The following GMPR variants were observed in gnomAD, a reference collection of about 807,000 sequenced individuals.
GMPR encodes guanosine monophosphate reductase.
Under a neutral mutation model 38.4 loss-of-function variants are expected in GMPR, and 31 were observed. That is an observed-to-expected ratio of 0.81 (90% CI 0.61 to 1.09). GMPR has a LOEUF of 1.09. GMPR is among the 50% of genes least tolerant of loss of function. The pLI is 0.00. For missense variants in GMPR, 468 were observed against 453.7 expected (o/e 1.03, Z -0.29); for synonymous variants, 162 against 173.3 (o/e 0.93, Z 0.51).
chr6:16,263,986 C>T lies in GMPR; in HGVS notation c.465+9251C>T, dbSNP rs188120826. Among the ~76,000 whole-genome samples the T allele has an allele frequency of 3.3e-4, 50 of 151,856 alleles. 1 individual carries two copies. In the South Asian group the frequency reaches 7.1e-3, roughly 21 times the overall value. On this transcript the variant is annotated intron_variant, in intron 4 of 8. Coordinates refer to ENST00000259727, the MANE Select transcript of GMPR (RefSeq NM_006877.4). ...GAAAGGCGGAGAAGGGATAGAGACA[C>T]GGAGAGAAGGGATTAGGGTACTTGC...
At position 16,249,732 on chromosome 6, in the gene GMPR, G is replaced by A. The variant is rs1345625624; in HGVS notation, c.208-552G>A. 2.0e-5 allele frequency among the ~76,000 whole-genome samples: 3 copies of A among 152,226 alleles called. No individual in the cohort carries two copies. The South Asian group carries it at 6.2e-4, about 31-fold the overall frequency. ...ACACAAAGCGGGTCATAAATGCTGGGGCAGTAGTCATAGGTTTAGGGTTAT... is the reference window on the plus strand; with the variant it reads ...ACACAAAGCGGGTCATAAATGCTGGAGCAGTAGTCATAGGTTTAGGGTTAT... On this transcript the variant is annotated intron_variant, in intron 2 of 8. Transcript: ENST00000259727.
chr6:16,291,597 T>C (rs555141806), intron 8 of GMPR, among the ~76,000 whole-genome samples: 39 of 152,212 alleles, frequency 2.6e-4, no homozygotes, highest in African/African-American at 8.7e-4. Flanking sequence ...ATTTTAACTG[T>C]CTGCATGTGT....
intron 4 of GMPR, among the ~76,000 whole-genome samples, chr6:16,257,761 G>A (rs780548727): frequency 3.9e-5 from 6 of 152,206 alleles, no homozygotes; most frequent in South Asian, 2.1e-4. Context: ...TCTTCATATG[G>A]TGGAAGAGGC....
chr6:16,262,249 A>C (rs1759102291), intron 4 of GMPR: 1 of 151,742 alleles, frequency 6.6e-6, no homozygotes, highest in South Asian at 2.1e-4. Flanking sequence ...GCGATCGGGC[A>C]GCATCAGTCT....
chr6:16,267,712 G>T (rs1039710680), intron 4 of GMPR, among the ~76,000 whole-genome samples: 1 of 152,212 alleles, frequency 6.6e-6, no homozygotes, highest in Non-Finnish European at 1.5e-5. Context: ...GGGACTTGGA[G>T]GTCCCTGTGT....
chr6:16,241,589 T>C (rs1189871966), intron 1 of GMPR, among the ~76,000 whole-genome samples: 4 of 152,182 alleles, frequency 2.6e-5, no homozygotes, highest in African/African-American at 9.7e-5. Flanking sequence ...GATAATCTTT[T>C]TCTGAGAAGT....
At chr6:16,247,630 C>T (rs879325833) in intron 2 of GMPR, among the ~76,000 whole-genome samples, 3 of 152,172 alleles carry the variant, frequency 2.0e-5, no homozygotes, top group Non-Finnish European at 4.4e-5. Context: ...CTGCCTTGGC[C>T]TACCCAAGTG....
intron 4 of GMPR, among the ~76,000 whole-genome samples, chr6:16,273,924 T>C (rs1759431645): frequency 6.6e-6 from 1 of 151,592 alleles, no homozygotes; most frequent in Non-Finnish European, 1.5e-5. Flanking sequence ...CAAGTGATTG[T>C]CCTGCCTCAG....
chr6:16,274,281 C>T (rs1051423120), intron 4 of GMPR, 134 bp from the exon 5 acceptor site: 7 of 646,494 alleles, frequency 1.1e-5, no homozygotes, highest in African/African-American at 1.8e-5. Flanking sequence ...GTATGAAATT[C>T]TGTGTTCCTT....
At chr6:16,248,715 G>T (rs537849696) in intron 2 of GMPR, among the ~76,000 whole-genome samples, 40 of 152,302 alleles carry the variant, frequency 2.6e-4, no homozygotes, top group African/African-American at 9.4e-4. Context: ...TAAGGAACTG[G>T]TATTTTTTTC....
At chr6:16,253,916 TA>T (rs1561821291) in intron 3 of GMPR, among the ~76,000 whole-genome samples, 1 of 152,038 alleles carries the variant, frequency 6.6e-6, no homozygotes, top group Non-Finnish European at 1.5e-5. Context: ...CGGTAGTCAT[TA>T]TTTTTTTTTT....
intron 2 of GMPR, among the ~76,000 whole-genome samples, chr6:16,248,232 C>CAA (rs774386979): frequency 2.0e-4 from 9 of 45,134 alleles, no homozygotes; most frequent in Non-Finnish European, 3.2e-4. Flanking sequence ...GACCCTGTCT[C>CAA]AAAAAAAAAA....
rs201868333 is a variant in GMPR at position 16,246,968 on chromosome 6, C to T, written c.207+7C>T. 2.7e-5 allele frequency: 43 copies of T among 1,611,794 alleles called. No homozygotes were observed. The Admixed American group carries it at 5.4e-4, about 20-fold the overall frequency. ...GGCAGCCGTGATGTCACAGGTGAGGCGGTAGGCTTTTGTTTTTTCCCTTTG... is the reference window on the plus strand; with the variant it reads ...GGCAGCCGTGATGTCACAGGTGAGGTGGTAGGCTTTTGTTTTTTCCCTTTG... On this transcript the variant is annotated splice_region_variant and intron_variant, in intron 2 of 8. Transcript: ENST00000259727.
intron 7 of GMPR, among the ~76,000 whole-genome samples, chr6:16,289,132 C>G (rs547437293): frequency 1.3e-5 from 2 of 152,348 alleles, no homozygotes; most frequent in South Asian, 2.1e-4. Flanking sequence ...GCCCACACTG[C>G]TTTTATGAGC....
rs927697239 is a variant in GMPR at position 16,288,515 on chromosome 6, G to C, written c.698-1947G>C. Among the ~76,000 whole-genome samples, 4 of 152,316 alleles carry C rather than the reference G, an allele frequency of 2.6e-5. No individual in the cohort carries two copies. In the South Asian group the frequency reaches 8.3e-4, roughly 32 times the overall value. Reference sequence around the variant, plus strand: ...TGCGGGGCAGGGCTCGGGACCTGCCGCCCGCCATGGCTGAGCTTCCCCGCC... The same window carrying C: ...TGCGGGGCAGGGCTCGGGACCTGCCCCCCGCCATGGCTGAGCTTCCCCGCC... On this transcript the variant is annotated intron_variant, in intron 7 of 8. Transcript: ENST00000259727.
intron 4 of GMPR, among the ~76,000 whole-genome samples, chr6:16,272,241 T>C (rs1376544293): frequency 6.6e-6 from 1 of 152,010 alleles, no homozygotes; most frequent in Non-Finnish European, 1.5e-5. Flanking sequence ...AAAAAAACAC[T>C]CTTAAAAACA....
At chr6:16,266,783 C>T (rs745409390) in intron 4 of GMPR, among the ~76,000 whole-genome samples, 65 of 151,448 alleles carry the variant, frequency 4.3e-4, no homozygotes, top group Non-Finnish European at 2.1e-4. Context: ...AGCGAGACTC[C>T]GTCTCAAAAA....
At chr6:16,292,120 G>A (rs2113349994) in intron 8 of GMPR, among the ~76,000 whole-genome samples, 1 of 152,262 alleles carries the variant, frequency 6.6e-6, no homozygotes, top group South Asian at 2.1e-4. Context: ...CCAATTTTCA[G>A]ACTCTATCCG....
Position 16,238,671 on chromosome 6 carries a change from C to T in GMPR, c.-23C>T, listed in dbSNP as rs1473079437. ...CGCCCCCGCCCCGCCGTCGCCGCCG[C>T]CGCAGCCAGGAGCCGCTGCACCATG... On this transcript the variant is annotated 5_prime_UTR_variant, in exon 1 of 9. Transcript: ENST00000259727. 2.4e-6 allele frequency: 3 copies of T among 1,263,292 alleles called. No homozygotes were observed. Among genetic ancestry groups the T allele is most frequent in the Admixed American group, 3.0e-5 (1 of 33,340 alleles). 78.3% of individuals were successfully genotyped at this position (1,263,292 alleles called of 1,614,324 possible). A position where few individuals can be genotyped will look rare whatever the true frequency, so the allele number is the denominator to read the frequency against.
Sources: gnomAD v4.1 joint callset for allele counts (sites outside exome capture counted in the v4.1 genomes callset) on GRCh38, gnomAD v4.1.1 for gene constraint, MANE v1.5 for transcripts, NCBI Gene and HGNC (gene_info 2026-07-23, HGNC 2026-07-21) for gene names.